The following CTBP2 variants were observed in gnomAD, a reference collection of about 807,000 sequenced individuals.
CTBP2 encodes the protein C-terminal-binding protein 2.
CTBP2 carries 30 observed loss-of-function variants against 80.3 expected under a neutral mutation model. The ratio of observed to expected loss-of-function variants is 0.37; its 90% CI spans 0.28 to 0.51. CTBP2 has a LOEUF of 0.51. CTBP2 is among the 20% of genes least tolerant of loss of function. The pLI is 0.93. For missense variants in CTBP2, 1,212 were observed against 1,375.3 expected (o/e 0.88, Z 1.88); for synonymous variants, 594 against 587.4 (o/e 1.01, Z -0.16).
chr10:125,153,704 G>T (rs906696298), intron 1 of CTBP2, among the ~76,000 whole-genome samples: 1 of 152,186 alleles, frequency 6.6e-6, no homozygotes, highest in African/African-American at 2.4e-5. Context: ...TTTTATAGAT[G>T]AGATTTTTAA....
At chr10:125,012,227 G>C (rs1956006711) in intron 1 of CTBP2, among the ~76,000 whole-genome samples, 1 of 152,238 alleles carries the variant, frequency 6.6e-6, no homozygotes, top group Admixed American at 6.5e-5. Flanking sequence ...CTCCGGGAGG[G>C]AGGACAGGAT....
At chr10:124,993,612 A>G (rs777590939) in intron 6 of CTBP2, among the ~76,000 whole-genome samples, 1 of 152,168 alleles carries the variant, frequency 6.6e-6, no homozygotes, top group Non-Finnish European at 1.5e-5. Flanking sequence ...TGAAGACCAG[A>G]ACCACTGCCA....
At chr10:125,161,714 GAAA>G (rs746000424), upstream of CTBP2, among the ~76,000 whole-genome samples, 1 of 138,222 alleles carries the variant, frequency 7.2e-6, no homozygotes, top group East Asian at 2.1e-4. Context: ...CTTACACATT[GAAA>G]AAAAAAAAAA....
intron 2 of CTBP2, among the ~76,000 whole-genome samples, chr10:125,070,029 T>A (rs1445960926): frequency 6.6e-6 from 1 of 151,784 alleles, no homozygotes; most frequent in African/African-American, 2.4e-5. Context: ...CAGTTTTATA[T>A]ATATATATGG....
rs1406398714 is a variant in CTBP2, at chr10:125,012,367, G to A, written c.1679-8875C>T. 2.0e-5 allele frequency among the ~76,000 whole-genome samples: 3 copies of A among 152,192 alleles called. No individual in the cohort carries two copies. The South Asian group carries it at 6.2e-4, about 31-fold the overall frequency. ...ACGGGGACGGTCCCTGCAGGGACGGGTGGTCAGGATCTCATGCACAGGATA... is the reference window on the plus strand; with the variant it reads ...ACGGGGACGGTCCCTGCAGGGACGGATGGTCAGGATCTCATGCACAGGATA... On this transcript the variant is annotated intron_variant, in intron 1 of 8. Transcript: ENST00000309035.
In CTBP2 at chr10:125,112,493, G is replaced by A. The variant is rs192803845; in HGVS notation, c.-205-1400C>T. Among the ~76,000 whole-genome samples, 1,103 of 141,120 alleles carry A rather than the reference G, an allele frequency of 7.8e-3. 10 individuals carry two copies. Among genetic ancestry groups the A allele is most frequent in the Middle Eastern group, 0.018 (4 of 224 alleles). The allele number at this position is 141,120 out of a possible 152,430, so 92.6% of individuals were successfully genotyped here. Reference sequence around the variant, plus strand: ...ACCCAGGCTGGAGTGCAATGGCGCCGTCTCGGCTCACTGCAACCTCCGCCT... The same window carrying A: ...ACCCAGGCTGGAGTGCAATGGCGCCATCTCGGCTCACTGCAACCTCCGCCT... On this transcript the variant is annotated intron_variant, in intron 1 of 10. Coordinates refer to the CTBP2 transcript ENST00000337195.
In CTBP2 at chr10:125,027,346, G is replaced by A. The variant is rs1484476904; in HGVS notation, c.414C>T (p.Ser138=). The A allele has an allele frequency of 6.2e-7, 1 of 1,613,612 alleles. No homozygotes were observed. The highest frequency in any genetic ancestry group is 1.3e-5 in the African/African-American group (1 of 74,936). The change falls in exon 1 of 9, where the codon AGC becomes AGT. Residue 138 remains serine (S), a synonymous_variant. Coordinates refer to ENST00000309035, the MANE Select transcript of CTBP2 (RefSeq NM_022802.3). ...ACGTTCTGCTGCCAAGCACTCCGTAGCTGGGGACCGGCCGGCTGACTCCTG... is the reference window on the plus strand; with the variant it reads ...ACGTTCTGCTGCCAAGCACTCCGTAACTGGGGACCGGCCGGCTGACTCCTG...
At chr10:125,135,275 C>T (rs1856817362) in intron 1 of CTBP2, among the ~76,000 whole-genome samples, 1 of 152,184 alleles carries the variant, frequency 6.6e-6, no homozygotes, top group Admixed American at 6.5e-5. Flanking sequence ...CTCCACCACC[C>T]TCTCTCCCTA....
chr10:125,014,961 C>A (rs1956321770), intron 1 of CTBP2, among the ~76,000 whole-genome samples: 1 of 152,230 alleles, frequency 6.6e-6, no homozygotes, highest in South Asian at 2.1e-4. Flanking sequence ...GAGCGTTCGT[C>A]AACCCAAGCT....
At chr10:125,056,196 G>A (rs192789435) in intron 2 of CTBP2, among the ~76,000 whole-genome samples, 2 of 147,730 alleles carry the variant, frequency 1.4e-5, no homozygotes, top group Non-Finnish European at 3.0e-5. Flanking sequence ...AATAATAATA[G>A]TAATAATAAT....
intron 2 of CTBP2, among the ~76,000 whole-genome samples, chr10:125,054,208 A>G (rs11245484): frequency 0.16 from 24,305 of 152,144 alleles, 2,461 homozygotes; most frequent in East Asian, 0.53. Flanking sequence ...GGGACCCCCA[A>G]CCTTTTGGAA....
chr10:125,020,247 C>G (rs1956902583), intron 1 of CTBP2, among the ~76,000 whole-genome samples: 1 of 152,154 alleles, frequency 6.6e-6, no homozygotes, highest in Non-Finnish European at 1.5e-5. Context: ...CTGAGCTTGG[C>G]CATGCACAGA....
At chr10:125,065,958 T>C (rs893852) in intron 2 of CTBP2, among the ~76,000 whole-genome samples, 29,205 of 151,458 alleles carry the variant, frequency 0.19, 3,082 homozygotes, top group African/African-American at 0.28. Context: ...AAAATTAGCC[T>C]GGCTTGGTGG....
chr10:125,141,049 A>G (rs1475880137), intron 1 of CTBP2, among the ~76,000 whole-genome samples: 1 of 151,822 alleles, frequency 6.6e-6, no homozygotes, highest in Non-Finnish European at 1.5e-5. Flanking sequence ...GAGACAGGAG[A>G]ATCGCTTGAA....
At chr10:125,124,184 G>A (rs1038579625) in intron 1 of CTBP2, among the ~76,000 whole-genome samples, 21 of 152,152 alleles carry the variant, frequency 1.4e-4, no homozygotes, top group African/African-American at 5.1e-4. Flanking sequence ...CCTGCTTCTC[G>A]AGCCTGGGGA....
rs771702203 is a variant in CTBP2, at chr10:124,998,080, G to A, written c.2069C>T (p.Thr690Met). The change falls in exon 4 of 9, where the codon ACG becomes ATG. Residue 690 changes from threonine (T) to methionine (M), a missense_variant. Thr to Met is a moderately conservative substitution (Grantham distance 81, BLOSUM62 -1). This residue lies in a region of CTBP2 where 335 missense variants were observed against 504.7 expected (regional missense o/e 0.66). Coordinates refer to ENST00000309035, the MANE Select transcript of CTBP2 (RefSeq NM_022802.3). ...TTCCCGCAGTGCCTGGTACAGCCAC[G>A]TGTTCCTCCGGTACAGGTTGAGGAT... is the stretch of plus-strand genomic sequence containing the variant. 30 of 1,612,986 alleles carry A rather than the reference G, an allele frequency of 1.9e-5. No homozygotes were observed. Among genetic ancestry groups the A allele is most frequent in the Non-Finnish European group, 2.3e-5 (27 of 1,179,828 alleles).
intron 4 of CTBP2, among the ~76,000 whole-genome samples, chr10:124,995,834 AC>A (rs1953411271): frequency 6.6e-6 from 1 of 151,812 alleles, no homozygotes; most frequent in Non-Finnish European, 1.5e-5. Flanking sequence ...GAAACTGAGG[AC>A]CCCAGCATGC....
intron 1 of CTBP2, among the ~76,000 whole-genome samples, chr10:125,006,836 C>T (rs180950379): frequency 1.6e-4 from 24 of 151,690 alleles, no homozygotes; most frequent in African/African-American, 5.4e-4. Flanking sequence ...AGGCGCAGTA[C>T]GTAATGAGGG....
intron 2 of CTBP2, among the ~76,000 whole-genome samples, chr10:125,098,903 C>A (rs527295929): frequency 6.6e-6 from 1 of 152,268 alleles, no homozygotes; most frequent in African/African-American, 2.4e-5. Context: ...CTCCTCCCTG[C>A]GCCCCCTCCA....
Sources: gnomAD v4.1 joint callset for allele counts (sites outside exome capture counted in the v4.1 genomes callset) on GRCh38, gnomAD v4.1.1 for gene constraint, gnomAD v4.1.1 regional missense constraint, MANE v1.5 for transcripts, NCBI Gene and HGNC (gene_info 2026-07-23, HGNC 2026-07-21) for gene names.